The following ALK variants were observed in gnomAD, a reference collection of about 807,000 sequenced individuals.
ALK encodes the protein ALK tyrosine kinase receptor.
A neutral mutation model predicts 163.1 loss-of-function variants in ALK; 74 were observed. That is an observed-to-expected ratio of 0.45 (90% CI 0.38 to 0.55). ALK has a LOEUF of 0.55. Among genes scored for constraint, ALK ranks in the 20% least tolerant of loss-of-function variants. The probability of loss-of-function intolerance (pLI) is 0.00; values close to 1 mark genes in which losing one functional copy is unlikely to be tolerated. For missense variants in ALK, 2,063 were observed against 2,105.3 expected (o/e 0.98, Z 0.39); for synonymous variants, 960 against 843.2 (o/e 1.14, Z -2.40).
Position 29,193,261 on chromosome 2 carries a change from A to G in ALK, c.4826T>C (p.Leu1609Pro), listed in dbSNP as rs1668919067. The G allele has an allele frequency of 9.3e-6, 15 of 1,614,088 alleles. No individual in the cohort carries two copies. The highest frequency in any genetic ancestry group is 1.2e-5 in the Non-Finnish European group (14 of 1,180,030). ...PGAGHYEDTILKSKNSMNQPG... is the reference protein window; with the variant it reads ...PGAGHYEDTIPKSKNSMNQPG... Reference sequence around the variant, plus strand: ...CTGGTTCATGCTATTCTTGCTTTTCAGAATGGTATCCTCGTAATGACCAGC... The same window carrying G: ...CTGGTTCATGCTATTCTTGCTTTTCGGAATGGTATCCTCGTAATGACCAGC... The change falls in exon 29 of 29, where the codon CTG becomes CCG. Residue 1609 changes from leucine (L) to proline (P), a missense_variant. Leu to Pro is a moderately conservative substitution (Grantham distance 98, BLOSUM62 -3). This residue lies in a region of ALK where 403 missense variants were observed against 366.2 expected (regional missense o/e 1.10). Coordinates refer to ENST00000389048, the MANE Select transcript of ALK (RefSeq NM_004304.5).
intron 4 of ALK, among the ~76,000 whole-genome samples, chr2:29,468,278 C>T (rs952493886): frequency 3.9e-5 from 6 of 152,284 alleles, no homozygotes; most frequent in East Asian, 1.9e-4. Flanking sequence ...CCACCCACCT[C>T]GGCCTCCCAA....
At chr2:29,487,008 G>A (rs985383807) in intron 4 of ALK, among the ~76,000 whole-genome samples, 6 of 152,114 alleles carry the variant, frequency 3.9e-5, no homozygotes, top group African/African-American at 9.7e-5. Context: ...TAACAATGGC[G>A]AATACAATGC....
intron 1 of ALK, among the ~76,000 whole-genome samples, chr2:29,901,781 CG>C (rs1667420002): frequency 1.3e-5 from 2 of 152,134 alleles, no homozygotes; most frequent in Non-Finnish European, 2.9e-5. Flanking sequence ...GGAAGATCGC[CG>C]TATCTTCTGG....
At chr2:29,208,178 A>G (rs1037754604) in intron 25 of ALK, 1 of 393,476 alleles carries the variant, frequency 2.5e-6, no homozygotes, top group Non-Finnish European at 5.4e-6. Context: ...TCAGTGACAC[A>G]AATGAAGAAT....
chr2:29,251,899 C>T (rs1164622523), intron 11 of ALK, among the ~76,000 whole-genome samples: 1 of 152,322 alleles, frequency 6.6e-6, no homozygotes, highest in African/African-American at 2.4e-5. Flanking sequence ...CATGGCTTGG[C>T]CTGCCTGTCA....
intron 4 of ALK, among the ~76,000 whole-genome samples, chr2:29,492,141 A>G (rs1671918023): frequency 6.6e-6 from 1 of 152,174 alleles, no homozygotes; most frequent in Non-Finnish European, 1.5e-5. Flanking sequence ...ACCATTACCA[A>G]TTACAGTATT....
chr2:29,450,921 C>G (rs59035516), intron 4 of ALK, among the ~76,000 whole-genome samples: 1 of 151,958 alleles, frequency 6.6e-6, no homozygotes, highest in East Asian at 1.9e-4. Context: ...AGTGAGAGTC[C>G]GTGGGGGCGG....
At chr2:29,616,130 C>T (rs369793370) in intron 3 of ALK, among the ~76,000 whole-genome samples, 34 of 152,282 alleles carry the variant, frequency 2.2e-4, no homozygotes, top group African/African-American at 7.2e-4. Flanking sequence ...TATTATGTCA[C>T]GAGACAGAGT....
At chr2:29,708,975 T>A (rs1380588833) in intron 2 of ALK, among the ~76,000 whole-genome samples, 1 of 152,206 alleles carries the variant, frequency 6.6e-6, no homozygotes, top group Non-Finnish European at 1.5e-5. Flanking sequence ...GCACCTGAGG[T>A]TGCTCTCGAC....
chr2:29,580,494 G>A (rs1469517550), intron 3 of ALK, among the ~76,000 whole-genome samples: 3 of 152,132 alleles, frequency 2.0e-5, no homozygotes, highest in Non-Finnish European at 4.4e-5. Flanking sequence ...CACGTCTCCG[G>A]TTGACATAAC....
intron 4 of ALK, among the ~76,000 whole-genome samples, chr2:29,416,143 C>T (rs769547176): frequency 6.6e-6 from 1 of 152,202 alleles, no homozygotes; most frequent in Non-Finnish European, 1.5e-5. Context: ...TCTATATATA[C>T]CCTCCTGGTT....
rs144099196 is a variant in ALK at position 29,511,552 on chromosome 2, A to G, written c.1154+20363T>C. Among the ~76,000 whole-genome samples, 1,132 of 152,290 alleles carry G rather than the reference A, an allele frequency of 7.4e-3. 7 individuals carry two copies. Among genetic ancestry groups the G allele is most frequent in the African/African-American group, 0.026 (1,086 of 41,568 alleles). ...TTTATCTATTCACCTGTTGATACAC[A>G]TTTGGGTGCAGTTTTAAACTACTGT... On this transcript the variant is annotated intron_variant, in intron 4 of 28. Transcript: ENST00000389048.
At chr2:29,779,420 G>A (rs1681273917) in intron 1 of ALK, among the ~76,000 whole-genome samples, 2 of 152,264 alleles carry the variant, frequency 1.3e-5, no homozygotes, top group South Asian at 4.1e-4. Context: ...CAGATAAAAA[G>A]GTGTGCACTT....
At chr2:29,674,760 C>G (rs1677821332) in intron 3 of ALK, among the ~76,000 whole-genome samples, 1 of 149,758 alleles carries the variant, frequency 6.7e-6, no homozygotes, top group African/African-American at 2.5e-5. Flanking sequence ...GTACCAGTTC[C>G]TCCTTGTACC....
rs60262841 is a variant in ALK, at chr2:29,248,871, G to A, written c.2204+2234C>T. 4.7e-3 allele frequency among the ~76,000 whole-genome samples: 712 copies of A among 152,372 alleles called. 8 individuals carry two copies. The highest frequency in any genetic ancestry group is 0.017 in the African/African-American group (688 of 41,590). ...ATACAGGGCTCATCTGAGGAAGTCA[G>A]AGAAAAGTCTTTGGAGACAGGAAAA... is the stretch of plus-strand genomic sequence containing the variant. On this transcript the variant is annotated intron_variant, in intron 12 of 28. Transcript: ENST00000389048.
chr2:29,214,138 A>G, intron 23 of ALK, 57 bp from the exon 24 acceptor site: 1 of 1,467,958 alleles, frequency 6.8e-7, no homozygotes, highest in Non-Finnish European at 9.5e-7. Flanking sequence ...GAGGAGGGAA[A>G]TCTGAAATGC....
At chr2:29,543,465 C>A (rs1377538314) in intron 3 of ALK, among the ~76,000 whole-genome samples, 5 of 152,174 alleles carry the variant, frequency 3.3e-5, no homozygotes, top group Non-Finnish European at 7.3e-5. Flanking sequence ...CCAAAGGGCA[C>A]GTCACCCTGA....
intron 5 of ALK, among the ~76,000 whole-genome samples, chr2:29,355,121 T>C (rs371118357): frequency 2.0e-5 from 3 of 152,210 alleles, no homozygotes; most frequent in East Asian, 1.9e-4. Context: ...TAGCAACTGA[T>C]TGGTTTCCAA....
At chr2:29,758,597 G>A (rs1192379279) in intron 1 of ALK, among the ~76,000 whole-genome samples, 1 of 152,100 alleles carries the variant, frequency 6.6e-6, no homozygotes, top group Non-Finnish European at 1.5e-5. Context: ...ATTGAATACA[G>A]GCACCTGGCC....
Sources: gnomAD v4.1 joint callset for allele counts (sites outside exome capture counted in the v4.1 genomes callset) on GRCh38, gnomAD v4.1.1 for gene constraint, gnomAD v4.1.1 regional missense constraint, MANE v1.5 for transcripts, NCBI Gene and HGNC (gene_info 2026-07-23, HGNC 2026-07-21) for gene names.